The following SLC24A2 variants were observed in gnomAD, a reference collection of about 807,000 sequenced individuals.
The protein encoded by SLC24A2 is solute carrier family 24 member 2, also known as sodium/potassium/calcium exchanger 2.
Under a neutral mutation model 62.0 loss-of-function variants are expected in SLC24A2, and 36 were observed. That is an observed-to-expected ratio of 0.58 (90% CI 0.44 to 0.77). The LOEUF (loss-of-function observed/expected upper bound fraction) is 0.77, where lower values mean the gene tolerates loss of function less well. Ranked by LOEUF, SLC24A2 falls within the 30% of genes least tolerant of loss-of-function variation. SLC24A2 has a pLI of 0.00. For missense variants in SLC24A2, 846 were observed against 817.9 expected (o/e 1.03, Z -0.42); for synonymous variants, 358 against 294.0 (o/e 1.22, Z -2.23).
At chr9:20,096,409 T>C in the SLC24A2 span, among the ~76,000 whole-genome samples, 2 of 152,336 alleles carry the variant, frequency 1.3e-5, no homozygotes, top group South Asian at 2.1e-4. Flanking sequence ...CCACATGTTA[T>C]TGACTCTCCT....
At chr9:19,939,974 G>C in the SLC24A2 span, among the ~76,000 whole-genome samples, 1 of 152,176 alleles carries the variant, frequency 6.6e-6, no homozygotes, top group South Asian at 2.1e-4. Flanking sequence ...CTCCACCCCA[G>C]GCTTTAACAA....
At chr9:20,146,241 C>G in the SLC24A2 span, among the ~76,000 whole-genome samples, 1 of 152,044 alleles carries the variant, frequency 6.6e-6, no homozygotes, top group Non-Finnish European at 1.5e-5. Flanking sequence ...AAGGGATCAT[C>G]AGCATCAGAA....
At chr9:19,589,763 G>A (rs901248551) in intron 5 of SLC24A2, among the ~76,000 whole-genome samples, 1 of 151,894 alleles carries the variant, frequency 6.6e-6, no homozygotes, top group Non-Finnish European at 1.5e-5. Flanking sequence ...TAGTCTTGGT[G>A]GCAGCTTACT....
intron 2 of SLC24A2, among the ~76,000 whole-genome samples, chr9:19,760,845 T>C (rs1031762788): frequency 6.7e-6 from 1 of 148,448 alleles, no homozygotes; most frequent in Non-Finnish European, 1.5e-5. Context: ...TTCTCACTCA[T>C]AGGTGGAAAT....
chr9:19,625,277 T>C (rs996890864), intron 2 of SLC24A2, among the ~76,000 whole-genome samples: 2 of 152,130 alleles, frequency 1.3e-5, no homozygotes, highest in South Asian at 2.1e-4. Context: ...ATGCTATGGA[T>C]TGGCTTAACA....
At chr9:19,994,433 G>C in the SLC24A2 span, among the ~76,000 whole-genome samples, 1 of 152,164 alleles carries the variant, frequency 6.6e-6, no homozygotes, top group Non-Finnish European at 1.5e-5. Flanking sequence ...ACAAATTCCT[G>C]ACTAGAACAC....
intron 2 of SLC24A2, among the ~76,000 whole-genome samples, chr9:19,756,144 C>A (rs927287429): frequency 6.6e-6 from 1 of 152,154 alleles, no homozygotes; most frequent in East Asian, 1.9e-4. Flanking sequence ...AATTTGAGCA[C>A]TGAAACTGTA....
chr9:20,205,143 A>T, the SLC24A2 span, among the ~76,000 whole-genome samples: 1 of 152,200 alleles, frequency 6.6e-6, no homozygotes, highest in East Asian at 1.9e-4. Flanking sequence ...GCCACGTTCA[A>T]AATAACTTGT....
the SLC24A2 span, among the ~76,000 whole-genome samples, chr9:20,126,521 T>C: frequency 6.6e-6 from 1 of 152,204 alleles, no homozygotes; most frequent in Non-Finnish European, 1.5e-5. Context: ...ATAAATTCTT[T>C]TTAGAATTCA....
chr9:19,596,795 T>A (rs77931587), intron 5 of SLC24A2, among the ~76,000 whole-genome samples: 3,082 of 152,288 alleles, frequency 0.02, 43 homozygotes, highest in Non-Finnish European at 0.027. Context: ...GTTCTGGGTA[T>A]AGAAGATACT....
intron 2 of SLC24A2, among the ~76,000 whole-genome samples, chr9:19,778,599 C>T (rs745537798): frequency 3.9e-5 from 6 of 152,222 alleles, no homozygotes; most frequent in East Asian, 3.9e-4. Context: ...CTCGCTCATA[C>T]GGGTTTGCAG....
At chr9:20,015,591 G>A in the SLC24A2 span, among the ~76,000 whole-genome samples, 1 of 152,102 alleles carries the variant, frequency 6.6e-6, no homozygotes. Flanking sequence ...AGAAAATACT[G>A]GAAAACACAG....
At chr9:19,963,414 C>T in the SLC24A2 span, among the ~76,000 whole-genome samples, 1 of 150,090 alleles carries the variant, frequency 6.7e-6, no homozygotes, top group East Asian at 1.9e-4. Context: ...AAGAAACTAC[C>T]ATCAGAGTGA....
chr9:19,975,594 A>C, the SLC24A2 span, among the ~76,000 whole-genome samples: 3 of 152,234 alleles, frequency 2.0e-5, no homozygotes, highest in Non-Finnish European at 4.4e-5. Context: ...CAAGGATAGA[A>C]AGTGCCAGGC....
chr9:19,911,976 G>A, the SLC24A2 span, among the ~76,000 whole-genome samples: 3 of 152,002 alleles, frequency 2.0e-5, no homozygotes, highest in Non-Finnish European at 4.4e-5. Context: ...GAGACCTAAG[G>A]TTTTATTTGT....
the SLC24A2 span, among the ~76,000 whole-genome samples, chr9:20,245,296 G>A: frequency 6.6e-5 from 10 of 152,136 alleles, no homozygotes; most frequent in African/African-American, 2.4e-4. Context: ...ACCTATGAAG[G>A]AGCAGTTATT....
chr9:19,627,609 T>G (rs1818067408), intron 2 of SLC24A2, among the ~76,000 whole-genome samples: 1 of 152,142 alleles, frequency 6.6e-6, no homozygotes, highest in Admixed American at 6.5e-5. Context: ...CCCTGCAACC[T>G]CAAACTCCTG....
At chr9:19,854,242 A>G in the SLC24A2 span, among the ~76,000 whole-genome samples, 12 of 151,950 alleles carry the variant, frequency 7.9e-5, no homozygotes, top group African/African-American at 2.2e-4. Context: ...TAATTTTTTC[A>G]AAAAACAGGT....
intron 2 of SLC24A2, among the ~76,000 whole-genome samples, chr9:19,782,142 C>T (rs562604115): frequency 1.7e-3 from 263 of 152,228 alleles, no homozygotes; most frequent in African/African-American, 6.0e-3. Context: ...AAGTCTAAGA[C>T]GAAGTTAAAT....
Sources: gnomAD v4.1 joint callset for allele counts (sites outside exome capture counted in the v4.1 genomes callset) on GRCh38, gnomAD v4.1.1 for gene constraint, MANE v1.5 for transcripts, NCBI Gene and HGNC (gene_info 2026-07-23, HGNC 2026-07-21) for gene names.